Variants in SIRPA observed in about 807,000 individuals in gnomAD.
The protein encoded by SIRPA is signal regulatory protein alpha.
SIRPA carries 9 observed loss-of-function variants against 50.3 expected under a neutral mutation model. That is an observed-to-expected ratio of 0.18 (90% confidence interval 0.11 to 0.31). The LOEUF (loss-of-function observed/expected upper bound fraction) is 0.31. Ranked by LOEUF, SIRPA falls within the 10% of genes least tolerant of loss-of-function variation. SIRPA has a pLI of 1.00. For missense variants in SIRPA, 474 were observed against 661.6 expected, an observed-to-expected ratio of 0.72 and a Z score of 3.11; for synonymous variants, 265 against 284.1, an observed-to-expected ratio of 0.93 and a Z score of 0.68.
At chr20:1,916,618 C>T (rs1463092755) in intron 2 of SIRPA, among the ~76,000 whole-genome samples, 1 of 152,198 alleles carries the variant, frequency 6.6e-6, no homozygotes, top group Non-Finnish European at 1.5e-5. Flanking sequence ...AAATGTAAGC[C>T]ATATCATTTG....
chr20:1,914,713 A>G (rs115684185), intron 1 of SIRPA, among the ~76,000 whole-genome samples: 61,316 of 151,118 alleles, frequency 0.41, 12,670 homozygotes, highest in East Asian at 0.66. Flanking sequence ...GAATCTTAAC[A>G]CCTTGTACAG....
chr20:1,937,529 C>T lies in SIRPA; in HGVS notation c.1476C>T (p.Ser492=), dbSNP rs771045977. ...AGCCGGCCCCCAAGCCTGAGCCGTC[C>T]TTCTCAGAGTACGCCAGCGTCCAGG... ...PKQPAPKPEP[S]FSEYASVQVP... The change falls in exon 8 of 8, where the codon TCC becomes TCT. Residue 492 remains serine, a synonymous_variant. Coordinates refer to ENST00000358771, the MANE Select transcript of SIRPA (RefSeq NM_001040023.2). The surrounding 1 kb of genome is among the most constrained non-coding windows in gnomAD (Gnocchi z 8.3). 2 of 1,614,064 alleles carry T rather than the reference C, an allele frequency of 1.2e-6. No individual in the cohort carries two copies. The highest frequency in any genetic ancestry group is 2.7e-5 in the African/African-American group (2 of 74,916).
intron 2 of SIRPA, among the ~76,000 whole-genome samples, chr20:1,917,454 T>C (rs1006148647): frequency 6.6e-6 from 1 of 152,136 alleles, no homozygotes; most frequent in South Asian, 2.1e-4. Flanking sequence ...GGCAGGAGAA[T>C]GCTTGAACCC....
chr20:1,920,110 A>G (rs1290019197), intron 2 of SIRPA, among the ~76,000 whole-genome samples: 2 of 152,174 alleles, frequency 1.3e-5, no homozygotes. Context: ...GCTTTGTCCT[A>G]AAAGGGGCTC....
intron 1 of SIRPA, among the ~76,000 whole-genome samples, chr20:1,902,711 C>T (rs1984294602): frequency 6.6e-6 from 1 of 151,930 alleles, no homozygotes; most frequent in Non-Finnish European, 1.5e-5. Flanking sequence ...GCAGAGGCCT[C>T]AAGAAAATGT....
chr20:1,896,644 C>T (rs2122939658), intron 1 of SIRPA, among the ~76,000 whole-genome samples: 2 of 152,082 alleles, frequency 1.3e-5, no homozygotes, highest in Admixed American at 1.3e-4. Context: ...AGATGGTAAC[C>T]ATCTGATAGC....
chr20:1,895,838 A>C (rs923166265), intron 1 of SIRPA, among the ~76,000 whole-genome samples: 1 of 152,174 alleles, frequency 6.6e-6, no homozygotes, highest in Non-Finnish European at 1.5e-5. Context: ...TCCAATGGGG[A>C]AGGCTGACTG....
chr20:1,925,172 T>G (rs1985906919), intron 5 of SIRPA, among the ~76,000 whole-genome samples: 1 of 152,224 alleles, frequency 6.6e-6, no homozygotes, highest in Non-Finnish European at 1.5e-5. Flanking sequence ...GCAGGGACTC[T>G]TCTTACCTGT....
chr20:1,901,997 T>C (rs1026335271), intron 1 of SIRPA, among the ~76,000 whole-genome samples: 5 of 152,170 alleles, frequency 3.3e-5, no homozygotes, highest in Admixed American at 1.3e-4. Flanking sequence ...TGGAAGGAAA[T>C]ACTAGGTACA....
In SIRPA at chr20:1,937,106, C is replaced by T. The variant is rs1024651628; in HGVS notation, c.1267-214C>T. On this transcript the variant is annotated intron_variant, in intron 7 of 7. Coordinates refer to ENST00000358771, the MANE Select transcript of SIRPA (RefSeq NM_001040023.2). This position sits in a 1 kb window ranked among gnomAD's most constrained non-coding sequence, Gnocchi z 8.3. ...ACTGCACTGTGCGGGTCAGAAAGAC[C>T]CTTCAGGCAGGGTGAGGAGGAGGGC... Among the ~76,000 whole-genome samples, 2 of 147,428 alleles carry T rather than the reference C, an allele frequency of 1.4e-5. No homozygotes were observed. The highest frequency in any genetic ancestry group is 5.4e-5 in the African/African-American group (2 of 37,080).
rs1985858951 is a variant in SIRPA at position 1,924,524 on chromosome 20, G to C, written c.1088-240G>C. ...CTGCAGCAGGGGTTCCTCCGTAGCTGTCAGCTACAAATATATTCCCCCCTG... is the reference window on the plus strand; with the variant it reads ...CTGCAGCAGGGGTTCCTCCGTAGCTCTCAGCTACAAATATATTCCCCCCTG... On this transcript the variant is annotated intron_variant, in intron 4 of 7. Transcript: ENST00000358771. The surrounding 1 kb of genome is among the most constrained non-coding windows in gnomAD (Gnocchi z 4.5). 1.3e-5 allele frequency among the ~76,000 whole-genome samples: 2 copies of C among 152,192 alleles called. No homozygotes were observed. Among genetic ancestry groups the C allele is most frequent in the Admixed American group, 1.3e-4 (2 of 15,288 alleles).
intron 6 of SIRPA, among the ~76,000 whole-genome samples, chr20:1,929,387 C>G (rs974189045): frequency 2.6e-5 from 4 of 152,018 alleles, no homozygotes; most frequent in Non-Finnish European, 5.9e-5. Flanking sequence ...AGAGGACTTG[C>G]TGATAGATTG....
rs749882066 is a variant in SIRPA, at chr20:1,937,608, T to C, written c.*40T>C. ...TGCTCTAGCACCCATCTCTACGCGCTTTCTTGTCCCACAGGGAGCCGCCGT... is the reference window on the plus strand; with the variant it reads ...TGCTCTAGCACCCATCTCTACGCGCCTTCTTGTCCCACAGGGAGCCGCCGT... On this transcript the variant is annotated 3_prime_UTR_variant, in exon 8 of 8. Transcript: ENST00000358771. This position sits in a 1 kb window ranked among gnomAD's most constrained non-coding sequence, Gnocchi z 8.3. The C allele has an allele frequency of 6.2e-6, 10 of 1,600,512 alleles. No individual in the cohort carries two copies. The highest frequency in any genetic ancestry group is 4.4e-5 in the South Asian group (4 of 90,346).
chr20:1,934,777 C>T lies in SIRPA; in HGVS notation c.1266+23C>T. On this transcript the variant is annotated intron_variant, in intron 7 of 7. Transcript: ENST00000358771. The surrounding 1 kb of genome is among the most constrained non-coding windows in gnomAD (Gnocchi z 4.6). ...CAGGTACAGTCCTTGGTGAGATGCCCTTCCTGGGAAACTCCGTGGCGTGGT... is the reference window on the plus strand; with the variant it reads ...CAGGTACAGTCCTTGGTGAGATGCCTTTCCTGGGAAACTCCGTGGCGTGGT... 2 of 1,613,626 alleles carry T rather than the reference C, an allele frequency of 1.2e-6. No homozygotes were observed. Among genetic ancestry groups the T allele is most frequent in the Non-Finnish European group, 1.7e-6 (2 of 1,179,738 alleles).
rs368779467 is a variant in SIRPA at position 1,937,658 on chromosome 20, C to T, written c.*90C>T. The stretch of plus-strand genomic sequence containing the variant: ...TGATGAGCACAGCCAACCCAGTTCC[C>T]GGAGGGCTGGGGCGGTGCAGGCTCT... On this transcript the variant is annotated 3_prime_UTR_variant, in exon 8 of 8. Transcript: ENST00000358771. This position sits in a 1 kb window ranked among gnomAD's most constrained non-coding sequence, Gnocchi z 8.3. 106 of 1,533,306 alleles carry T rather than the reference C, an allele frequency of 6.9e-5. No individual in the cohort carries two copies. Among genetic ancestry groups the T allele is most frequent in the Admixed American group, 2.0e-4 (11 of 55,232 alleles). 95.0% of individuals were successfully genotyped at this position (1,533,306 alleles called of 1,614,324 possible). A position where few individuals can be genotyped will look rare whatever the true frequency, so the allele number is the denominator to read the frequency against.
At position 1,921,554 on chromosome 20, in the gene SIRPA, A is replaced by G; in HGVS notation, c.596A>G (p.Asp199Gly). ...NELSDFQTNV[D>G]PVGESVSYSI... ...CTCTCAGACTTCCAGACCAACGTGG[A>G]CCCCGTAGGAGAGAGCGTGTCCTAC... The change falls in exon 3 of 8, where the codon GAC (aspartate) becomes GGC (glycine). Residue 199 changes from aspartate to glycine, a missense_variant. Physicochemically the swap from Asp to Gly is moderately conservative, Grantham distance 94 (BLOSUM62 -1). This residue lies in a region of SIRPA where 221 missense variants were observed against 359.9 expected (regional missense o/e 0.61). Coordinates refer to ENST00000358771, the MANE Select transcript of SIRPA (RefSeq NM_001040023.2). 5 of 1,614,114 alleles carry G rather than the reference A, an allele frequency of 3.1e-6. No individual in the cohort carries two copies. Among genetic ancestry groups the G allele is most frequent in the African/African-American group, 1.3e-5 (1 of 75,020 alleles).
intron 1 of SIRPA, among the ~76,000 whole-genome samples, chr20:1,904,424 C>G (rs1568494941): frequency 6.6e-6 from 1 of 152,156 alleles, no homozygotes; most frequent in Admixed American, 6.5e-5. Flanking sequence ...GGTCACTGCA[C>G]GAGGCAGTCT....
At chr20:1,915,578 C>A in intron 2 of SIRPA, 123 bp downstream of exon 2, 1 of 1,189,202 alleles carries the variant, frequency 8.4e-7, no homozygotes, top group Non-Finnish European at 1.2e-6. Flanking sequence ...ATTGATGTCT[C>A]CCCCTTTTAC....
Position 1,928,085 on chromosome 20 carries a change from G to GT in SIRPA, c.1226+193dup, listed in dbSNP as rs972924289. On this transcript the variant is annotated intron_variant, in intron 6 of 7. Transcript: ENST00000358771. The surrounding 1 kb of genome is among the most constrained non-coding windows in gnomAD (Gnocchi z 4.9). ...TTTTAATTATTGTCCCAAATGAGGG[G>GT]TTTTTTTGGTGCACAGAGGTGCTAA... Among the ~76,000 whole-genome samples the GT allele has an allele frequency of 2.0e-5, 3 of 152,048 alleles. No individual in the cohort carries two copies. Among genetic ancestry groups the GT allele is most frequent in the Admixed American group, 6.5e-5 (1 of 15,270 alleles).
Sources: allele counts gnomAD v4.1 joint callset (sites outside exome capture counted in the v4.1 genomes callset), GRCh38; gene constraint gnomAD v4.1.1; regional missense constraint gnomAD v4.1.1; non-coding constraint Gnocchi (gnomAD v3.1); transcripts MANE v1.5; gene names NCBI Gene and HGNC (gene_info 2026-07-23, HGNC 2026-07-21).